AP3B1: variants seen among roughly 807,000 people sequenced by gnomAD.
The protein encoded by AP3B1 is adaptor related protein complex 3 subunit beta 1.
A neutral mutation model predicts 132.5 loss-of-function variants in AP3B1; 61 were observed. The ratio of observed to expected loss-of-function variants is 0.46; its 90% CI spans 0.37 to 0.57. The LOEUF is 0.57. Ranked by LOEUF, AP3B1 falls within the 20% of genes least tolerant of loss-of-function variation. AP3B1 has a pLI of 0.00. For synonymous variants in AP3B1, 388 were observed against 438.3 expected, an observed-to-expected ratio of 0.89 and a Z score of 1.43; for missense variants, 1,120 against 1,289.4, an observed-to-expected ratio of 0.87 and a Z score of 2.01.
At chr5:78,177,730 G>GA (rs1009635514) in intron 8 of AP3B1, among the ~76,000 whole-genome samples, 3 of 150,088 alleles carry the variant, frequency 2.0e-5, no homozygotes, top group African/African-American at 4.9e-5. Flanking sequence ...CCTTATAAGA[G>GA]AAAAAAAAAG....
chr5:78,089,886 T>C (rs938635874), intron 21 of AP3B1, among the ~76,000 whole-genome samples: 1 of 152,190 alleles, frequency 6.6e-6, no homozygotes. Flanking sequence ...GAATTAGAAG[T>C]CTTGAAAGAT....
At chr5:78,033,736 A>G (rs1311307747) in intron 24 of AP3B1, among the ~76,000 whole-genome samples, 1 of 151,996 alleles carries the variant, frequency 6.6e-6, no homozygotes, top group African/African-American at 2.4e-5. Context: ...ATTTCACAAG[A>G]AATGTATAAA....
intron 24 of AP3B1, among the ~76,000 whole-genome samples, chr5:78,022,936 T>C (rs950244844): frequency 3.3e-5 from 5 of 152,152 alleles, no homozygotes; most frequent in African/African-American, 1.2e-4. Context: ...ATGCCCAAGG[T>C]CACACAGCTA....
chr5:78,234,880 A>G (rs1477528746), intron 3 of AP3B1, among the ~76,000 whole-genome samples: 1 of 152,244 alleles, frequency 6.6e-6, no homozygotes, highest in Non-Finnish European at 1.5e-5. Context: ...AGCAAAGTCT[A>G]GAAAGACACC....
At chr5:78,247,871 C>A (rs1459171750) in intron 2 of AP3B1, among the ~76,000 whole-genome samples, 1 of 152,122 alleles carries the variant, frequency 6.6e-6, no homozygotes, top group Admixed American at 6.5e-5. Context: ...ATTTTAGTAT[C>A]CGTTTCCTGT....
chr5:78,007,989 T>C (rs777724498), intron 26 of AP3B1, among the ~76,000 whole-genome samples: 20 of 152,182 alleles, frequency 1.3e-4, no homozygotes, highest in Non-Finnish European at 2.5e-4. Context: ...ACAACCACCA[T>C]AATTTAGGAC....
At chr5:78,079,074 A>G (rs1469741719) in intron 22 of AP3B1, among the ~76,000 whole-genome samples, 1 of 152,212 alleles carries the variant, frequency 6.6e-6, no homozygotes, top group African/African-American at 2.4e-5. Flanking sequence ...CCACCATCTG[A>G]AAGTCAGACC....
intron 22 of AP3B1, among the ~76,000 whole-genome samples, chr5:78,070,920 G>T (rs746711932): frequency 6.6e-6 from 1 of 152,156 alleles, no homozygotes; most frequent in African/African-American, 2.4e-5. Context: ...AGATGCTGGC[G>T]AAGCTATGAA....
At chr5:78,121,185 T>A (rs1752173372) in intron 17 of AP3B1, among the ~76,000 whole-genome samples, 1 of 151,656 alleles carries the variant, frequency 6.6e-6, no homozygotes, top group Non-Finnish European at 1.5e-5. Flanking sequence ...CTGGGACACA[T>A]TCAAAGCAGT....
chr5:78,123,073 C>G (rs1170081321), intron 17 of AP3B1, among the ~76,000 whole-genome samples: 1 of 152,120 alleles, frequency 6.6e-6, no homozygotes, highest in Non-Finnish European at 1.5e-5. Flanking sequence ...CTTTGACAAA[C>G]CTGAGAAAAA....
rs970761537 is a variant in AP3B1 at position 78,006,334 on chromosome 5, A to G, written c.3132-3279T>C. On this transcript the variant is annotated intron_variant, in intron 26 of 26. Coordinates refer to ENST00000255194, the MANE Select transcript of AP3B1 (RefSeq NM_003664.5). ...AATGCACCCATAATAATTTGTTTTT[A>G]TCAGTCAACAGATAAAGTTTTTCCC... Among the ~76,000 whole-genome samples, 3 of 152,176 alleles carry G rather than the reference A, an allele frequency of 2.0e-5. No individual in the cohort carries two copies. The East Asian group carries it at 5.8e-4, about 29-fold the overall frequency.
At chr5:78,248,899 G>A (rs1747499543) in intron 2 of AP3B1, among the ~76,000 whole-genome samples, 1 of 152,172 alleles carries the variant, frequency 6.6e-6, no homozygotes, top group African/African-American at 2.4e-5. Flanking sequence ...TTTCTGATGA[G>A]AAATCTGCAT....
chr5:78,099,376 A>G lies in AP3B1; in HGVS notation c.2470+1577T>C, dbSNP rs573624446. The stretch of plus-strand genomic sequence containing the variant: ...GAACAGCAGTAGAAAGGCCCTTGGC[A>G]GAAATGAGCCTGGTATGTGTGACAA... On this transcript the variant is annotated intron_variant, in intron 21 of 26. Transcript: ENST00000255194. 9.2e-5 allele frequency among the ~76,000 whole-genome samples: 14 copies of G among 152,350 alleles called. No individual in the cohort carries two copies. The South Asian group carries it at 2.9e-3, about 32-fold the overall frequency.
At chr5:78,294,361 C>G in intron 1 of AP3B1, 91 bp downstream of exon 1, 2 of 1,594,024 alleles carry the variant, frequency 1.3e-6, no homozygotes, top group East Asian at 2.2e-5. Context: ...AGGGCGACCC[C>G]GCTCCTCTCC....
At chr5:78,193,770 A>ATATATATATATATATTTTTTTT in intron 7 of AP3B1, among the ~76,000 whole-genome samples, 6 of 67,190 alleles carry the variant, frequency 8.9e-5, no homozygotes, top group Non-Finnish European at 1.3e-4. Context: ...ATATATATAT[A>ATATATATATATATATTTTTTTT]TTTTTTTTTT....
intron 1 of AP3B1, among the ~76,000 whole-genome samples, chr5:78,280,771 G>C (rs916816805): frequency 1.3e-5 from 2 of 152,152 alleles, no homozygotes; most frequent in African/African-American, 4.8e-5. Context: ...AGGGAATTCA[G>C]GAAACCAATA....
Position 78,113,927 on chromosome 5 carries a change from A to T in AP3B1, c.2078-4T>A, listed in dbSNP as rs1182541048. ...CTTTCACTTCCAGATTCACTCTCTG[A>T]AAAACAGAACCAGATGTTCTTAGAT... On this transcript the variant is annotated splice_polypyrimidine_tract_variant and splice_region_variant and intron_variant, in intron 18 of 26. Coordinates refer to ENST00000255194, the MANE Select transcript of AP3B1 (RefSeq NM_003664.5). The T allele has an allele frequency of 6.2e-7, 1 of 1,613,948 alleles. No individual in the cohort carries two copies. The highest frequency in any genetic ancestry group is 1.1e-5 in the South Asian group (1 of 91,058).
chr5:78,197,029 G>A, intron 7 of AP3B1, among the ~76,000 whole-genome samples: 1 of 152,190 alleles, frequency 6.6e-6, no homozygotes, highest in Admixed American at 6.5e-5. Context: ...GACTTTGGGT[G>A]ACAACAATAT....
At chr5:78,229,549 A>G (rs1351161097) in intron 3 of AP3B1, among the ~76,000 whole-genome samples, 3 of 148,998 alleles carry the variant, frequency 2.0e-5, no homozygotes, top group African/African-American at 7.5e-5. Context: ...CCTGGGCAAC[A>G]TGGTGAAATC....
Sources: allele counts gnomAD v4.1 joint callset (sites outside exome capture counted in the v4.1 genomes callset), GRCh38; gene constraint gnomAD v4.1.1; transcripts MANE v1.5; gene names NCBI Gene and HGNC (gene_info 2026-07-23, HGNC 2026-07-21).